Variants in CA10 observed in about 807,000 individuals in gnomAD.
CA10 encodes carbonic anhydrase 10 (inactive).
Under a neutral mutation model 44.2 loss-of-function variants are expected in CA10, and 14 were observed. The ratio of observed to expected loss-of-function variants is 0.32; its 90% CI spans 0.21 to 0.50. CA10 has a LOEUF of 0.50. Ranked by LOEUF, CA10 falls within the 20% of genes least tolerant of loss-of-function variation. CA10 has a pLI of 0.99. For synonymous variants in CA10, 159 were observed against 141.6 expected, an observed-to-expected ratio of 1.12 and a Z score of -0.87; for missense variants, 350 against 409.7, an observed-to-expected ratio of 0.85 and a Z score of 1.26.
intron 1 of CA10, among the ~76,000 whole-genome samples, chr17:52,153,448 G>A (rs988932826): frequency 2.6e-5 from 4 of 152,022 alleles, no homozygotes; most frequent in Non-Finnish European, 4.4e-5. Context: ...AGAAAAATTC[G>A]CTGATCCCCT....
rs577432611 is a variant in CA10 at position 51,878,947 on chromosome 17, T to C, written c.279+52043A>G. Among the ~76,000 whole-genome samples the C allele has an allele frequency of 1.5e-3, 207 of 141,424 alleles. 1 individual carries two copies. The highest frequency in any genetic ancestry group is 3.7e-3 in the Middle Eastern group (1 of 270). 92.8% of individuals were successfully genotyped at this position (141,424 alleles called of 152,430 possible). A position where few individuals can be genotyped will look rare whatever the true frequency, so the allele number is the denominator to read the frequency against. On this transcript the variant is annotated intron_variant, in intron 3 of 8. Coordinates refer to ENST00000451037, the MANE Select transcript of CA10 (RefSeq NM_020178.5). ...ATGTGTGTTTGTGTATATATATATATAATGAACAAATATAACAATAAAATT... is the reference window on the plus strand; with the variant it reads ...ATGTGTGTTTGTGTATATATATATACAATGAACAAATATAACAATAAAATT...
At chr17:52,024,518 G>T (rs1356452136) in intron 2 of CA10, among the ~76,000 whole-genome samples, 1 of 151,768 alleles carries the variant, frequency 6.6e-6, no homozygotes, top group African/African-American at 2.4e-5. Flanking sequence ...GGGTGGGAGG[G>T]GGTAAAGCTA....
intron 1 of CA10, among the ~76,000 whole-genome samples, chr17:52,079,769 C>T (rs1987919196): frequency 6.6e-6 from 1 of 152,156 alleles, no homozygotes; most frequent in Non-Finnish European, 1.5e-5. Context: ...CTTAGCAAAC[C>T]CACTTTTATT....
intron 2 of CA10, among the ~76,000 whole-genome samples, chr17:52,030,080 G>A (rs1249553141): frequency 6.6e-6 from 1 of 152,196 alleles, no homozygotes; most frequent in Non-Finnish European, 1.5e-5. Context: ...CACCAGGGAT[G>A]AAACATAGGC....
At chr17:52,066,889 T>C (rs1253125732) in intron 2 of CA10, among the ~76,000 whole-genome samples, 5 of 152,150 alleles carry the variant, frequency 3.3e-5, no homozygotes, top group Admixed American at 3.3e-4. Flanking sequence ...CAGAAAACCA[T>C]TCAAGATGTG....
chr17:52,117,777 T>C (rs906262778), intron 1 of CA10, among the ~76,000 whole-genome samples: 1 of 152,180 alleles, frequency 6.6e-6, no homozygotes, highest in African/African-American at 2.4e-5. Flanking sequence ...GTAAAATGTG[T>C]TTTTAGTAAA....
At chr17:51,867,040 G>T (rs767191527) in intron 3 of CA10, among the ~76,000 whole-genome samples, 5 of 151,894 alleles carry the variant, frequency 3.3e-5, no homozygotes, top group Non-Finnish European at 5.9e-5. Context: ...TGTTTGATTG[G>T]CAATGAGATT....
At chr17:51,724,491 C>A (rs1270939014) in intron 4 of CA10, among the ~76,000 whole-genome samples, 1 of 152,214 alleles carries the variant, frequency 6.6e-6, no homozygotes, top group African/African-American at 2.4e-5. Flanking sequence ...CCAACCACTT[C>A]TGAATGAAAA....
At chr17:51,908,076 G>C (rs890560847) in intron 3 of CA10, among the ~76,000 whole-genome samples, 2 of 152,178 alleles carry the variant, frequency 1.3e-5, no homozygotes, top group Admixed American at 6.5e-5. Context: ...CCAGTCCTGT[G>C]TGATCTCAAA....
chr17:51,792,012 T>C (rs1383136802), intron 3 of CA10, among the ~76,000 whole-genome samples: 1 of 152,138 alleles, frequency 6.6e-6, no homozygotes, highest in African/African-American at 2.4e-5. Flanking sequence ...GAAACATGCA[T>C]GATGGGTGGG....
chr17:52,102,238 G>A (rs1184705303), intron 1 of CA10, among the ~76,000 whole-genome samples: 1 of 152,174 alleles, frequency 6.6e-6, no homozygotes, highest in East Asian at 1.9e-4. Flanking sequence ...GAGAATTCTG[G>A]CCGGCCTCCT....
chr17:52,012,333 ATAGG>A (rs1409919825), intron 2 of CA10, among the ~76,000 whole-genome samples: 2 of 152,000 alleles, frequency 1.3e-5, no homozygotes, highest in African/African-American at 4.8e-5. Context: ...CACACAGCTG[ATAGG>A]TAGGAGAATC....
chr17:51,891,702 G>A (rs1011789562), intron 3 of CA10, among the ~76,000 whole-genome samples: 1 of 152,228 alleles, frequency 6.6e-6, no homozygotes, highest in African/African-American at 2.4e-5. Context: ...GTGAGGGTTG[G>A]TATGGTGGCT....
At chr17:52,114,529 T>C (rs1477106399) in intron 1 of CA10, among the ~76,000 whole-genome samples, 1 of 152,236 alleles carries the variant, frequency 6.6e-6, no homozygotes, top group Non-Finnish European at 1.5e-5. Flanking sequence ...TTTTGAACTA[T>C]ACATAGTAAA....
chr17:51,975,548 C>T (rs988761265), intron 2 of CA10, among the ~76,000 whole-genome samples: 3 of 152,184 alleles, frequency 2.0e-5, no homozygotes, highest in South Asian at 2.1e-4. Flanking sequence ...GGCATGGTGG[C>T]GAATGCCTGT....
At chr17:51,908,252 C>T (rs1027139223) in intron 3 of CA10, among the ~76,000 whole-genome samples, 1 of 152,130 alleles carries the variant, frequency 6.6e-6, no homozygotes, top group African/African-American at 2.4e-5. Flanking sequence ...AACTCATTCC[C>T]ACAAATGGTG....
intron 3 of CA10, among the ~76,000 whole-genome samples, chr17:51,843,354 C>A (rs976039333): frequency 6.6e-6 from 1 of 152,184 alleles, no homozygotes; most frequent in South Asian, 2.1e-4. Context: ...TTGAATAAAC[C>A]GTGACATTTA....
intron 5 of CA10, among the ~76,000 whole-genome samples, chr17:51,651,386 G>A (rs757158012): frequency 2.0e-5 from 3 of 152,170 alleles, no homozygotes; most frequent in Non-Finnish European, 2.9e-5. Context: ...TGATTTTCTG[G>A]GAGTTGATTA....
chr17:51,871,314 C>A (rs1168285634), intron 3 of CA10, among the ~76,000 whole-genome samples: 10 of 151,412 alleles, frequency 6.6e-5, no homozygotes, highest in African/African-American at 7.3e-5. Flanking sequence ...TCACTGCAAC[C>A]TTCGCCTCCC....
Sources: gnomAD v4.1 joint callset for allele counts (sites outside exome capture counted in the v4.1 genomes callset) on GRCh38, gnomAD v4.1.1 for gene constraint, MANE v1.5 for transcripts, NCBI Gene and HGNC (gene_info 2026-07-23, HGNC 2026-07-21) for gene names.